The following MED27 variants were observed in gnomAD, a reference collection of about 807,000 sequenced individuals.
The protein encoded by MED27 is mediator complex subunit 27.
In MED27, 30 loss-of-function variants were observed where a neutral mutation model predicts 38.2. The ratio of observed to expected loss-of-function variants is 0.79; its 90% CI spans 0.59 to 1.07. The LOEUF (loss-of-function observed/expected upper bound fraction) is 1.07, where lower values mean the gene tolerates loss of function less well. MED27 is among the 50% of genes least tolerant of loss of function. The probability of loss-of-function intolerance (pLI) is 0.00; values close to 1 mark genes in which losing one functional copy is unlikely to be tolerated. For synonymous variants in MED27, 122 were observed against 153.5 expected, an observed-to-expected ratio of 0.79 and a Z score of 1.52; for missense variants, 289 against 397.5, an observed-to-expected ratio of 0.73 and a Z score of 2.32.
At chr9:131,898,064 T>C (rs1829863754) in intron 4 of MED27, among the ~76,000 whole-genome samples, 1 of 152,116 alleles carries the variant, frequency 6.6e-6, no homozygotes, top group Admixed American at 6.5e-5. Flanking sequence ...TCCTCTGTAT[T>C]ACCTGCCAAT....
intron 3 of MED27, among the ~76,000 whole-genome samples, chr9:131,986,285 G>A (rs1484994985): frequency 6.6e-6 from 1 of 152,116 alleles, no homozygotes; most frequent in Non-Finnish European, 1.5e-5. Flanking sequence ...AGAGCAACCT[G>A]TAGTCCTGCA....
chr9:131,921,014 G>C (rs1411834850), intron 4 of MED27, among the ~76,000 whole-genome samples: 2 of 152,194 alleles, frequency 1.3e-5, no homozygotes, highest in African/African-American at 4.8e-5. Context: ...CAGAGGCTTG[G>C]AGAGGGATGG....
intron 3 of MED27, among the ~76,000 whole-genome samples, chr9:131,967,156 T>C (rs958453079): frequency 2.6e-5 from 4 of 152,266 alleles, no homozygotes; most frequent in Non-Finnish European, 5.9e-5. Flanking sequence ...CTTTACTCTG[T>C]ACAAAAATCT....
At chr9:132,056,329 G>A (rs886162499) in intron 2 of MED27, among the ~76,000 whole-genome samples, 1 of 152,192 alleles carries the variant, frequency 6.6e-6, no homozygotes, top group Non-Finnish European at 1.5e-5. Flanking sequence ...ACAGGGAAAA[G>A]CAGCAGCAAA....
At chr9:131,946,574 A>G (rs62581863) in intron 3 of MED27, among the ~76,000 whole-genome samples, 40,371 of 152,124 alleles carry the variant, frequency 0.27, 5,615 homozygotes, top group East Asian at 0.38. Context: ...CCTTGTTTGT[A>G]TAAGTAAAGG....
At chr9:132,006,355 TGCTCAGAG>T (rs1330887044) in intron 3 of MED27, among the ~76,000 whole-genome samples, 3 of 152,242 alleles carry the variant, frequency 2.0e-5, no homozygotes, top group African/African-American at 7.2e-5. Context: ...ACTGTTACTT[TGCTCAGAG>T]GCAAACTAAA....
In MED27 at chr9:131,860,597, G is replaced by T; in HGVS notation, c.877C>A (p.Pro293Thr). The T allele has an allele frequency of 1.2e-6, 2 of 1,606,008 alleles. No homozygotes were observed. Among genetic ancestry groups the T allele is most frequent in the Non-Finnish European group, 1.7e-6 (2 of 1,176,596 alleles). ...RCGKFLQDGL[P>T]PTWRDFRTLE... ...GTTCGGAAATCCCTCCATGTCGGGG[G>T]AAGGCCGTCCTGCAGAAACTTCCCG... is the stretch of plus-strand genomic sequence containing the variant. The change falls in exon 8 of 8, where the codon CCC (proline) becomes ACC (threonine). Residue 293 changes from proline (P) to threonine (T), a missense_variant. Transcript: ENST00000292035. The surrounding 1 kb of genome is among the most constrained non-coding windows in gnomAD (Gnocchi z 5.8).
intron 3 of MED27, among the ~76,000 whole-genome samples, chr9:131,961,240 C>T (rs1371946958): frequency 6.6e-6 from 1 of 152,174 alleles, no homozygotes; most frequent in African/African-American, 2.4e-5. Flanking sequence ...ATGGCCCGCA[C>T]GTGGCATATG....
chr9:132,053,049 C>T (rs1029308415), intron 2 of MED27, among the ~76,000 whole-genome samples: 2 of 151,810 alleles, frequency 1.3e-5, no homozygotes, highest in Non-Finnish European at 2.9e-5. Context: ...GTCAGGAGAT[C>T]GAGACCATCC....
intron 2 of MED27, among the ~76,000 whole-genome samples, chr9:132,024,757 C>T (rs988229634): frequency 2.6e-5 from 4 of 152,130 alleles, no homozygotes; most frequent in African/African-American, 9.7e-5. Flanking sequence ...GGTAAGTGCT[C>T]TAAATGAAAG....
chr9:131,905,185 G>C (rs1564277215), intron 4 of MED27, among the ~76,000 whole-genome samples: 1 of 152,172 alleles, frequency 6.6e-6, no homozygotes, highest in Non-Finnish European at 1.5e-5. Context: ...GCCAATGCCT[G>C]TATAAAAATA....
intron 2 of MED27, among the ~76,000 whole-genome samples, chr9:132,014,750 A>G (rs1047999526): frequency 1.3e-5 from 2 of 152,270 alleles, no homozygotes; most frequent in African/African-American, 4.8e-5. Context: ...ATTGATTAAA[A>G]TAGAGAAAGA....
intron 3 of MED27, among the ~76,000 whole-genome samples, chr9:131,969,110 T>C (rs895833052): frequency 2.0e-5 from 3 of 152,272 alleles, no homozygotes; most frequent in African/African-American, 7.2e-5. Flanking sequence ...GTAATGATAA[T>C]AGAAATGAAA....
rs971921897 is a variant in MED27, at chr9:131,860,881, G to A, written c.802-209C>T. Among the ~76,000 whole-genome samples the A allele has an allele frequency of 3.9e-5, 6 of 152,038 alleles. No individual in the cohort carries two copies. The highest frequency in any genetic ancestry group is 3.3e-4 in the Admixed American group (5 of 15,258). On this transcript the variant is annotated intron_variant, in intron 7 of 7. Transcript: ENST00000292035. This position sits in a 1 kb window ranked among gnomAD's most constrained non-coding sequence, Gnocchi z 5.8. ...TGATGCTCGCGTGCCCCTCCTAACC[G>A]AAGGAGTTTTGAAAACAGAAACCCC...
At chr9:132,029,383 A>G (rs1832900024) in intron 2 of MED27, among the ~76,000 whole-genome samples, 1 of 152,234 alleles carries the variant, frequency 6.6e-6, no homozygotes, top group Non-Finnish European at 1.5e-5. Flanking sequence ...AAAGATTGGC[A>G]ACATTTTTTT....
chr9:131,983,135 C>T (rs746178044), intron 3 of MED27, among the ~76,000 whole-genome samples: 7 of 152,140 alleles, frequency 4.6e-5, no homozygotes, highest in African/African-American at 7.2e-5. Flanking sequence ...TAGCCACTTT[C>T]TATGCTTCCT....
chr9:131,890,441 G>T (rs990295661), intron 5 of MED27, among the ~76,000 whole-genome samples: 1 of 152,236 alleles, frequency 6.6e-6, no homozygotes, highest in African/African-American at 2.4e-5. Flanking sequence ...GAGAAAGAGA[G>T]AGGCCGGGCT....
intron 6 of MED27, among the ~76,000 whole-genome samples, chr9:131,880,364 T>C (rs1839015092): frequency 6.6e-6 from 1 of 152,246 alleles, no homozygotes; most frequent in Non-Finnish European, 1.5e-5. Flanking sequence ...GACTCACTAA[T>C]TTAATTCTTA....
chr9:131,910,904 T>C (rs1450679795), intron 4 of MED27, among the ~76,000 whole-genome samples: 3 of 151,956 alleles, frequency 2.0e-5, no homozygotes, highest in Non-Finnish European at 2.9e-5. Flanking sequence ...TTCCCATCTA[T>C]CCCTCCCCAC....
Sources: allele counts gnomAD v4.1 joint callset (sites outside exome capture counted in the v4.1 genomes callset), GRCh38; gene constraint gnomAD v4.1.1; non-coding constraint Gnocchi (gnomAD v3.1); transcripts MANE v1.5; gene names NCBI Gene and HGNC (gene_info 2026-07-23, HGNC 2026-07-21).